Variants in MCC observed in about 807,000 individuals in gnomAD.
MCC encodes colorectal mutant cancer protein.
A neutral mutation model predicts 116.2 loss-of-function variants in MCC; 90 were observed. The observed-to-expected ratio is 0.77, with a 90% CI of 0.65 to 0.92. The LOEUF (loss-of-function observed/expected upper bound fraction) is 0.92. MCC is among the 40% of genes least tolerant of loss of function. The pLI is 0.00. For missense variants in MCC, 1,516 were observed against 1,312.2 expected (o/e 1.16, Z -2.40); for synonymous variants, 578 against 510.5 (o/e 1.13, Z -1.78).
chr5:113,188,357 A>C (rs978489435), intron 3 of MCC, among the ~76,000 whole-genome samples: 1 of 152,314 alleles, frequency 6.6e-6, no homozygotes, highest in Admixed American at 6.5e-5. Flanking sequence ...TAGCCCCACG[A>C]AACAGGTAAA....
intron 1 of MCC, among the ~76,000 whole-genome samples, chr5:113,442,220 T>G (rs1056664868): frequency 6.6e-6 from 1 of 152,226 alleles, no homozygotes. Flanking sequence ...AGTAACTCAT[T>G]GTGGTTTTGA....
chr5:113,068,212 C>G, intron 12 of MCC, 29 bp from the exon 13 acceptor site: 4 of 1,571,660 alleles, frequency 2.5e-6, no homozygotes, highest in Non-Finnish European at 3.5e-6. Flanking sequence ...GGCCTCAGCC[C>G]TTGCAGAGAA....
chr5:113,324,992 C>T (rs1462921812), intron 3 of MCC, among the ~76,000 whole-genome samples: 2 of 150,642 alleles, frequency 1.3e-5, no homozygotes, highest in Non-Finnish European at 2.9e-5. Flanking sequence ...GTCACCATGC[C>T]CAGCTAATTA....
intron 1 of MCC, among the ~76,000 whole-genome samples, chr5:113,456,373 T>C (rs1771546356): frequency 6.6e-6 from 1 of 152,228 alleles, no homozygotes; most frequent in African/African-American, 2.4e-5. Context: ...CTTTGAACTT[T>C]TTCAGATTTT....
chr5:113,270,430 AATTCATT>A (rs11277187), intron 3 of MCC, among the ~76,000 whole-genome samples: 43,095 of 151,432 alleles, frequency 0.28, 6,375 homozygotes, highest in Non-Finnish European at 0.31. Context: ...GCACACATCA[AATTCATT>A]CAAGTTTTTA....
intron 1 of MCC, among the ~76,000 whole-genome samples, chr5:113,484,101 T>A (rs936366845): frequency 2.0e-5 from 3 of 151,944 alleles, no homozygotes; most frequent in Non-Finnish European, 2.9e-5. Context: ...GGTACTAGGC[T>A]TAGCACCCAT....
chr5:113,439,202 C>CCAAA (rs1770955722), intron 1 of MCC, among the ~76,000 whole-genome samples: 1 of 152,180 alleles, frequency 6.6e-6, no homozygotes, highest in Admixed American at 6.5e-5. Context: ...GTTAGGCAGG[C>CCAAA]CAAAGCTGGA....
At chr5:113,028,094 A>AGG (rs1373146248) in intron 18 of MCC, among the ~76,000 whole-genome samples, 1 of 152,196 alleles carries the variant, frequency 6.6e-6, no homozygotes, top group Non-Finnish European at 1.5e-5. Context: ...TTCCATGTAC[A>AGG]GTCATTACCC....
chr5:113,073,317 CT>C (rs1754174882), intron 11 of MCC, among the ~76,000 whole-genome samples: 2 of 152,358 alleles, frequency 1.3e-5, no homozygotes, highest in African/African-American at 2.4e-5. Context: ...TGGCCCCATC[CT>C]GCCAGAGCTG....
At chr5:113,240,293 C>T (rs1394646839) in intron 3 of MCC, among the ~76,000 whole-genome samples, 5 of 152,056 alleles carry the variant, frequency 3.3e-5, no homozygotes, top group Non-Finnish European at 5.9e-5. Context: ...CAGGATCTAG[C>T]CATGGGTAAG....
intron 8 of MCC, among the ~76,000 whole-genome samples, chr5:113,098,844 C>A (rs1756213891): frequency 6.6e-6 from 1 of 152,138 alleles, no homozygotes; most frequent in African/African-American, 2.4e-5. Flanking sequence ...CGTCAAGGAA[C>A]TTTGATGAAC....
intron 12 of MCC, among the ~76,000 whole-genome samples, chr5:113,068,405 A>T (rs987096172): frequency 1.3e-5 from 2 of 152,190 alleles, no homozygotes; most frequent in Non-Finnish European, 2.9e-5. Context: ...GAAAAATACA[A>T]GAGAAACAAT....
At chr5:113,165,823 G>A (rs556103090) in intron 3 of MCC, among the ~76,000 whole-genome samples, 1 of 152,214 alleles carries the variant, frequency 6.6e-6, no homozygotes, top group African/African-American at 2.4e-5. Flanking sequence ...AGGGAGGTGG[G>A]GAGCTTTTGG....
At chr5:113,100,284 T>C (rs1756314432) in intron 8 of MCC, among the ~76,000 whole-genome samples, 1 of 152,110 alleles carries the variant, frequency 6.6e-6, no homozygotes, top group South Asian at 2.1e-4. Context: ...AAAATAGTAA[T>C]TTCTTCCGTT....
intron 2 of MCC, among the ~76,000 whole-genome samples, chr5:113,365,760 G>T (rs970829719): frequency 6.6e-6 from 1 of 152,176 alleles, no homozygotes; most frequent in African/African-American, 2.4e-5. Flanking sequence ...TTCTGGGGAG[G>T]CCTCAGGAAA....
intron 3 of MCC, among the ~76,000 whole-genome samples, chr5:113,307,249 T>C (rs997052358): frequency 6.6e-6 from 1 of 152,212 alleles, no homozygotes; most frequent in Non-Finnish European, 1.5e-5. Flanking sequence ...AATATCGACA[T>C]TTTAATAATA....
rs1485836368 is a variant in MCC, at chr5:113,434,073, T to TC, written c.171-48862dup. ...GTCGATGTGGAGCCGCCGGTTGACG[T>TC]CGGGCTGCAGCATGTGGTAGATGAG... On this transcript the variant is annotated intron_variant, in intron 1 of 18. Transcript: ENST00000408903. The surrounding 1 kb of genome is among the most constrained non-coding windows in gnomAD (Gnocchi z 4.2). The TC allele has an allele frequency of 1.2e-6, 2 of 1,614,108 alleles. No individual in the cohort carries two copies. The highest frequency in any genetic ancestry group is 3.3e-5 in the Admixed American group (2 of 60,030).
At chr5:113,092,020 G>A (rs570283321) in intron 8 of MCC, among the ~76,000 whole-genome samples, 7 of 152,078 alleles carry the variant, frequency 4.6e-5, no homozygotes, top group African/African-American at 1.4e-4. Flanking sequence ...CCTTCAACAG[G>A]GACTGACACA....
intron 1 of MCC, among the ~76,000 whole-genome samples, chr5:113,466,422 G>C (rs1288754572): frequency 2.7e-5 from 4 of 147,214 alleles, no homozygotes; most frequent in Admixed American, 7.1e-5. Flanking sequence ...CTATGAGTGA[G>C]AACATGTGGT....
Sources: gnomAD v4.1 joint callset for allele counts (sites outside exome capture counted in the v4.1 genomes callset) on GRCh38, gnomAD v4.1.1 for gene constraint, Gnocchi (gnomAD v3.1) non-coding constraint, MANE v1.5 for transcripts, NCBI Gene and HGNC (gene_info 2026-07-23, HGNC 2026-07-21) for gene names.